PRKG1: variants seen among roughly 807,000 people sequenced by gnomAD.
PRKG1 encodes the protein cGMP-dependent protein kinase 1.
A neutral mutation model predicts 88.1 loss-of-function variants in PRKG1; 35 were observed. That is an observed-to-expected ratio of 0.40 (90% CI 0.30 to 0.53). The LOEUF (loss-of-function observed/expected upper bound fraction) is 0.53, where lower values mean the gene tolerates loss of function less well. Among genes scored for constraint, PRKG1 ranks in the 20% least tolerant of loss-of-function variants. PRKG1 has a pLI of 0.59. For synonymous variants in PRKG1, 303 were observed against 292.5 expected (o/e 1.04, Z -0.37); for missense variants, 540 against 839.8 (o/e 0.64, Z 4.41).
intron 7 of PRKG1, among the ~76,000 whole-genome samples, chr10:52,110,975 A>G (rs1376514212): frequency 6.6e-6 from 1 of 152,224 alleles, no homozygotes; most frequent in Non-Finnish European, 1.5e-5. Flanking sequence ...ATGTTCACCA[A>G]TGCCAAATAC....
intron 1 of PRKG1, among the ~76,000 whole-genome samples, chr10:51,137,852 T>C (rs551639569): frequency 6.6e-6 from 1 of 152,284 alleles, no homozygotes; most frequent in East Asian, 1.9e-4. Context: ...GAGTAAGTGA[T>C]AACTGAAGCC....
intron 7 of PRKG1, among the ~76,000 whole-genome samples, chr10:52,070,939 C>A (rs1473057727): frequency 3.3e-5 from 5 of 152,112 alleles, no homozygotes; most frequent in Non-Finnish European, 5.9e-5. Context: ...TGTTGATGTT[C>A]ATCTCTGTTT....
At chr10:52,250,272 A>T (rs1419912596) in intron 9 of PRKG1, among the ~76,000 whole-genome samples, 1 of 152,240 alleles carries the variant, frequency 6.6e-6, no homozygotes, top group Non-Finnish European at 1.5e-5. Context: ...TTGATTTCAC[A>T]TAATTAGCCA....
At chr10:51,741,717 C>T (rs554897327) in intron 3 of PRKG1, among the ~76,000 whole-genome samples, 2 of 152,258 alleles carry the variant, frequency 1.3e-5, no homozygotes, top group South Asian at 4.1e-4. Context: ...GGAAGCAAAT[C>T]TACACAGAAG....
At chr10:51,455,870 A>T (rs1163228772) in intron 2 of PRKG1, among the ~76,000 whole-genome samples, 1 of 152,158 alleles carries the variant, frequency 6.6e-6, no homozygotes, top group East Asian at 1.9e-4. Context: ...TCTTCTTCTG[A>T]GCCCTGAAAG....
chr10:51,663,291 G>A (rs2132334133), intron 3 of PRKG1, among the ~76,000 whole-genome samples: 1 of 152,190 alleles, frequency 6.6e-6, no homozygotes, highest in Non-Finnish European at 1.5e-5. Flanking sequence ...ATGGCTGTGT[G>A]AGAAACTCTA....
Position 51,699,174 on chromosome 10 carries a change from C to T in PRKG1, c.593-105411C>T. ...CTGGCTACTGCTCTGGTAATCGATT[C>T]AGGGGCATCTTCTGGATCGATGGGA... On this transcript the variant is annotated intron_variant, in intron 3 of 17. Coordinates refer to ENST00000373980, the MANE Select transcript of PRKG1 (RefSeq NM_006258.4). 14 of 1,614,168 alleles carry T rather than the reference C, an allele frequency of 8.7e-6. No individual in the cohort carries two copies. Among genetic ancestry groups the T allele is most frequent in the Non-Finnish European group, 1.2e-5 (14 of 1,180,032 alleles).
At chr10:51,025,056 G>T (rs968821492) in intron 1 of PRKG1, among the ~76,000 whole-genome samples, 1 of 152,136 alleles carries the variant, frequency 6.6e-6, no homozygotes, top group African/African-American at 2.4e-5. Context: ...CTGGGTGCAG[G>T]CTAAAAACCC....
At chr10:51,242,246 T>C (rs1479067142) in intron 2 of PRKG1, among the ~76,000 whole-genome samples, 2 of 151,970 alleles carry the variant, frequency 1.3e-5, no homozygotes, top group Non-Finnish European at 2.9e-5. Context: ...AGGGAGAAAA[T>C]GCCAAAGATG....
In PRKG1 at chr10:52,064,225, C is replaced by T. The variant is rs947253782; in HGVS notation, c.935+1594C>T. On this transcript the variant is annotated intron_variant, in intron 7 of 17. Transcript: ENST00000373980. ...CCACCACTGGATTCCCTCCTATGCT[C>T]ATTGGCACCCAAAGCCCAGAGGGGG... 2.6e-5 allele frequency among the ~76,000 whole-genome samples: 4 copies of T among 152,182 alleles called. No individual in the cohort carries two copies. The East Asian group carries it at 5.8e-4, about 22-fold the overall frequency.
intron 5 of PRKG1, among the ~76,000 whole-genome samples, chr10:51,955,379 T>G (rs1843279913): frequency 6.6e-6 from 1 of 152,170 alleles, no homozygotes; most frequent in East Asian, 1.9e-4. Flanking sequence ...CATAGGTTGG[T>G]ACACCATATT....
intron 2 of PRKG1, among the ~76,000 whole-genome samples, chr10:51,327,765 C>T (rs1841629656): frequency 6.6e-6 from 1 of 152,020 alleles, no homozygotes; most frequent in South Asian, 2.1e-4. Flanking sequence ...ATAAATATGT[C>T]TAAACATAGA....
At chr10:51,640,480 AG>A (rs1839772200) in intron 3 of PRKG1, among the ~76,000 whole-genome samples, 3 of 152,228 alleles carry the variant, frequency 2.0e-5, no homozygotes, top group African/African-American at 7.2e-5. Context: ...TGACTGGAGT[AG>A]GAAAAACAAG....
At chr10:51,187,454 T>A (rs1316900475) in intron 2 of PRKG1, among the ~76,000 whole-genome samples, 3 of 152,040 alleles carry the variant, frequency 2.0e-5, no homozygotes, top group African/African-American at 7.2e-5. Context: ...TAGAGTTATT[T>A]AAAAGTTGAC....
intron 3 of PRKG1, among the ~76,000 whole-genome samples, chr10:51,670,746 AAATAAATAAATAAAT>A (rs1564599509): frequency 4.2e-5 from 4 of 95,894 alleles, no homozygotes; most frequent in South Asian, 3.0e-4. Flanking sequence ...AAAAAAAAAT[AAATAAATAAATAAAT>A]AAATAAATAA....
intron 1 of PRKG1, among the ~76,000 whole-genome samples, chr10:51,000,563 A>C (rs1267033151): frequency 1.3e-5 from 2 of 152,240 alleles, no homozygotes; most frequent in Non-Finnish European, 2.9e-5. Context: ...AATGGTTCCC[A>C]AAGTGTGATG....
intron 4 of PRKG1, among the ~76,000 whole-genome samples, chr10:51,830,924 G>A (rs1839991472): frequency 1.3e-5 from 2 of 151,566 alleles, no homozygotes; most frequent in South Asian, 2.1e-4. Flanking sequence ...GAGATCATAC[G>A]CTCAGGAATA....
chr10:52,225,591 T>C (rs1840368540), intron 9 of PRKG1, among the ~76,000 whole-genome samples: 1 of 152,170 alleles, frequency 6.6e-6, no homozygotes, highest in South Asian at 2.1e-4. Flanking sequence ...GTTTTTCCAA[T>C]GTTTCTTCTA....
intron 2 of PRKG1, among the ~76,000 whole-genome samples, chr10:51,395,360 G>A (rs1238961290): frequency 6.6e-6 from 1 of 152,198 alleles, no homozygotes; most frequent in Non-Finnish European, 1.5e-5. Flanking sequence ...TCTGAAGGAT[G>A]GAAAATCTAA....
Sources: allele counts gnomAD v4.1 joint callset (sites outside exome capture counted in the v4.1 genomes callset), GRCh38; gene constraint gnomAD v4.1.1; transcripts MANE v1.5; gene names NCBI Gene and HGNC (gene_info 2026-07-23, HGNC 2026-07-21).